HEPACAM: variants seen among roughly 807,000 people sequenced by gnomAD.
The protein encoded by HEPACAM is hepatic and glial cell adhesion molecule.
A neutral mutation model predicts 38.3 loss-of-function variants in HEPACAM; 18 were observed. The observed-to-expected ratio is 0.47, with a 90% CI of 0.33 to 0.70. The LOEUF is 0.70. HEPACAM is among the 30% of genes least tolerant of loss of function. HEPACAM has a pLI of 0.03. For missense variants in HEPACAM, 466 were observed against 563.0 expected (o/e 0.83, Z 1.74); for synonymous variants, 216 against 243.1 (o/e 0.89, Z 1.04).
chr11:124,926,643 T>C (rs1360177998), intron 1 of HEPACAM, among the ~76,000 whole-genome samples: 2 of 152,150 alleles, frequency 1.3e-5, no homozygotes, highest in African/African-American at 4.8e-5. Flanking sequence ...GACACATACA[T>C]GCAGATTCTC....
intron 1 of HEPACAM, among the ~76,000 whole-genome samples, chr11:124,930,955 G>A (rs1290299430): frequency 6.6e-6 from 1 of 152,168 alleles, no homozygotes; most frequent in East Asian, 1.9e-4. Flanking sequence ...TAAAGGACAC[G>A]AAAGTGGTAA....
chr11:124,930,035 GT>G (rs1034974705), intron 1 of HEPACAM, among the ~76,000 whole-genome samples: 3 of 152,112 alleles, frequency 2.0e-5, no homozygotes, highest in African/African-American at 7.2e-5. Context: ...CATCTGAAAA[GT>G]TTTTGGTTTA....
chr11:124,925,228 C>T (rs868620500), intron 1 of HEPACAM, among the ~76,000 whole-genome samples, 159 bp from the exon 2 acceptor site: 2 of 152,238 alleles, frequency 1.3e-5, no homozygotes, highest in Non-Finnish European at 1.5e-5. Flanking sequence ...TCTCCTCCCC[C>T]ACAGTAGCTC....
chr11:124,927,731 A>G (rs2135403049), intron 1 of HEPACAM, among the ~76,000 whole-genome samples: 1 of 152,044 alleles, frequency 6.6e-6, no homozygotes, highest in South Asian at 2.1e-4. Flanking sequence ...AAACCTTAAA[A>G]GTAGAAGAAA....
chr11:124,933,325 C>G (rs1264777184), intron 1 of HEPACAM, among the ~76,000 whole-genome samples: 3 of 152,048 alleles, frequency 2.0e-5, no homozygotes, highest in African/African-American at 7.2e-5. Flanking sequence ...GCGTGCACCA[C>G]TAGGTCTGGC....
At position 124,921,060 on chromosome 11, in the gene HEPACAM, C is replaced by A; in HGVS notation, c.*78G>T. On this transcript the variant is annotated 3_prime_UTR_variant, in exon 7 of 7. Transcript: ENST00000298251. The surrounding 1 kb of genome is among the most constrained non-coding windows in gnomAD (Gnocchi z 4.6). ...TCCCCTCGTCCCCAGCGCGCCGCGC[C>A]CGGGCTTCCCAGCCCCAGCTTTCCC... 6.8e-7 allele frequency: 1 copy of A among 1,475,406 alleles called. No homozygotes were observed. Among genetic ancestry groups the A allele is most frequent in the South Asian group, 1.3e-5 (1 of 77,508 alleles). 91.4% of individuals were successfully genotyped at this position (1,475,406 alleles called of 1,614,324 possible). A position where few individuals can be genotyped will look rare whatever the true frequency, so the allele number is the denominator to read the frequency against.
chr11:124,922,614 C>T (rs1171626267), intron 5 of HEPACAM, 131 bp downstream of exon 5: 2 of 1,611,446 alleles, frequency 1.2e-6, no homozygotes, highest in African/African-American at 1.3e-5. Flanking sequence ...CCCTCCTCTG[C>T]AGTCTTCGTG....
chr11:124,925,008 C>T lies in HEPACAM; in HGVS notation c.147G>A (p.Lys49=). ...TGTACTGCACAGAAAGCAGAGCCGA[C>T]TTCCCCACGGTGCCATGGATCAGGC... is the stretch of plus-strand genomic sequence containing the variant. ...PVRLIHGTVG[K]SALLSVQYSS... Residue 49 remains lysine, a synonymous_variant, in exon 2 of 7, where the codon AAG becomes AAA. Coordinates refer to ENST00000298251, the MANE Select transcript of HEPACAM (RefSeq NM_152722.5). 2 of 1,607,392 alleles carry T rather than the reference C, an allele frequency of 1.2e-6. No homozygotes were observed. The highest frequency in any genetic ancestry group is 1.7e-6 in the Non-Finnish European group (2 of 1,174,536).
chr11:124,935,946 C>A lies in HEPACAM; in HGVS notation c.61G>T (p.Val21Phe). 2 of 1,614,054 alleles carry A rather than the reference C, an allele frequency of 1.2e-6. No individual in the cohort carries two copies. The highest frequency in any genetic ancestry group is 1.7e-6 in the Non-Finnish European group (2 of 1,179,976). Reference sequence around the variant, plus strand: ...CCTGTCTGGATCAGAAGAAGGTAGACAAAAGGAGCAAGGCGCAGGGCCCTG... The same window carrying A: ...CCTGTCTGGATCAGAAGAAGGTAGAAAAAAGGAGCAAGGCGCAGGGCCCTG... ...ASRALRLAPFVYLLLIQTDPL... is the reference protein window; with the variant it reads ...ASRALRLAPFFYLLLIQTDPL... Residue 21 changes from valine (V) to phenylalanine (F), a missense_variant, in exon 1 of 7, where the codon GTC becomes TTC. Transcript: ENST00000298251.
intron 1 of HEPACAM, among the ~76,000 whole-genome samples, chr11:124,927,804 T>C (rs1198033742): frequency 6.6e-6 from 1 of 151,888 alleles, no homozygotes; most frequent in Non-Finnish European, 1.5e-5. Context: ...AGCAGGAAAA[T>C]CGCTTGAACC....
At chr11:124,931,581 A>C (rs1376301691) in intron 1 of HEPACAM, among the ~76,000 whole-genome samples, 1 of 152,252 alleles carries the variant, frequency 6.6e-6, no homozygotes, top group Non-Finnish European at 1.5e-5. Flanking sequence ...ATTATTGGGA[A>C]GATATGGATC....
At chr11:124,928,554 A>G (rs1176420462) in intron 1 of HEPACAM, among the ~76,000 whole-genome samples, 1 of 152,202 alleles carries the variant, frequency 6.6e-6, no homozygotes, top group African/African-American at 2.4e-5. Context: ...TTGGGGCCCC[A>G]AAATCACTAA....
intron 1 of HEPACAM, among the ~76,000 whole-genome samples, chr11:124,933,316 C>T (rs1050349500): frequency 6.6e-6 from 1 of 151,954 alleles, no homozygotes; most frequent in Non-Finnish European, 1.5e-5. Flanking sequence ...GAATTACAAG[C>T]GTGCACCACT....
chr11:124,919,645 G>A lies in HEPACAM; in HGVS notation c.*1493C>T. 3 of 1,322,856 alleles carry A rather than the reference G, an allele frequency of 2.3e-6. No individual in the cohort carries two copies. In the Admixed American group the frequency reaches 6.3e-5, roughly 28 times the overall value. 81.9% of individuals were successfully genotyped at this position (1,322,856 alleles called of 1,614,324 possible). On this transcript the variant is annotated 3_prime_UTR_variant, in exon 7 of 7. Transcript: ENST00000298251. ...AAATGAGCCTGGGGAAGTGCCGAGG[G>A]ACAGGGAGCTGAGACAGGCATGCTG...
chr11:124,921,281 C>A lies in HEPACAM; in HGVS notation c.1108G>T (p.Ala370Ser), dbSNP rs1947133121. ...RYPRSPARSPATGRTHSSPPR... is the reference protein window; with the variant it reads ...RYPRSPARSPSTGRTHSSPPR... ...GGCGACGAGTGTGTCCGGCCGGTGG[C>A]TGGGGAGCGCGCTGGGGAGCGCGGG... is the stretch of plus-strand genomic sequence containing the variant. Residue 370 changes from alanine (A) to serine (S), a missense_variant, in exon 7 of 7, where the codon GCC (alanine) becomes TCC (serine). Transcript: ENST00000298251. The surrounding 1 kb of genome is among the most constrained non-coding windows in gnomAD (Gnocchi z 4.6). 22 of 1,346,336 alleles carry A rather than the reference C, an allele frequency of 1.6e-5. No individual in the cohort carries two copies. Among genetic ancestry groups the A allele is most frequent in the Non-Finnish European group, 2.0e-5 (21 of 1,056,402 alleles). 83.4% of individuals were successfully genotyped at this position (1,346,336 alleles called of 1,614,324 possible).
At chr11:124,925,728 C>T (rs1209253675) in intron 1 of HEPACAM, among the ~76,000 whole-genome samples, 1 of 152,126 alleles carries the variant, frequency 6.6e-6, no homozygotes, top group Non-Finnish European at 1.5e-5. Flanking sequence ...AGTCCTGCAA[C>T]TAGTAAGGTG....
chr11:124,924,106 T>C lies in HEPACAM; in HGVS notation c.428-96A>G. 1 of 1,166,982 alleles carries C rather than the reference T, an allele frequency of 8.6e-7. No individual in the cohort carries two copies. Among genetic ancestry groups the C allele is most frequent in the Non-Finnish European group, 1.2e-6 (1 of 811,570 alleles). The allele number at this position is 1,166,982 out of a possible 1,614,324, so 72.3% of individuals were successfully genotyped here. A position where few individuals can be genotyped will look rare whatever the true frequency, so the allele number is the denominator to read the frequency against. ...CTGCCTTCCAACACACCTTTAACAC[T>C]ACCTTCCAACTCAATCTGTGGGCTG... On this transcript the variant is annotated intron_variant, in intron 2 of 6. Coordinates refer to ENST00000298251, the MANE Select transcript of HEPACAM (RefSeq NM_152722.5). The surrounding 1 kb of genome is among the most constrained non-coding windows in gnomAD (Gnocchi z 4.4).
chr11:124,920,091 C>A lies in HEPACAM; in HGVS notation c.*1047G>T. On this transcript the variant is annotated 3_prime_UTR_variant, in exon 7 of 7. Transcript: ENST00000298251. ...GCAGGGCAGATGGGTGGCAGGAGGC[C>A]AGGGGTTGGATCATGTTCCCCCCAA... The A allele has an allele frequency of 6.6e-7, 1 of 1,509,228 alleles. No individual in the cohort carries two copies. Among genetic ancestry groups the A allele is most frequent in the Non-Finnish European group, 9.0e-7 (1 of 1,112,814 alleles). The allele number at this position is 1,509,228 out of a possible 1,614,324, so 93.5% of individuals were successfully genotyped here.
chr11:124,926,477 T>C (rs1221691384), intron 1 of HEPACAM, among the ~76,000 whole-genome samples: 1 of 152,194 alleles, frequency 6.6e-6, no homozygotes, highest in African/African-American at 2.4e-5. Context: ...ATGGATGCCC[T>C]ATCCAGAGGG....
Sources: gnomAD v4.1 joint callset for allele counts (sites outside exome capture counted in the v4.1 genomes callset) on GRCh38, gnomAD v4.1.1 for gene constraint, Gnocchi (gnomAD v3.1) non-coding constraint, MANE v1.5 for transcripts, NCBI Gene and HGNC (gene_info 2026-07-23, HGNC 2026-07-21) for gene names.